ITGAE: variants seen among roughly 807,000 people sequenced by gnomAD.
ITGAE encodes integrin subunit alpha E, also known as integrin alpha-E.
Under a neutral mutation model 136.5 loss-of-function variants are expected in ITGAE, and 99 were observed. The observed-to-expected ratio is 0.73, with a 90% CI of 0.62 to 0.86. The LOEUF is 0.86. Ranked by LOEUF, ITGAE falls within the 40% of genes least tolerant of loss-of-function variation. ITGAE has a pLI of 0.00. For missense variants in ITGAE, 1,447 were observed against 1,515.3 expected, an observed-to-expected ratio of 0.95 and a Z score of 0.75; for synonymous variants, 613 against 591.8, an observed-to-expected ratio of 1.04 and a Z score of -0.52.
intron 19 of ITGAE, among the ~76,000 whole-genome samples, chr17:3,741,970 G>A (rs1005344079): frequency 1.3e-4 from 20 of 152,128 alleles, no homozygotes; most frequent in Admixed American, 3.9e-4. Context: ...CCAGCTACTC[G>A]GGAGGCTGAG....
intron 24 of ITGAE, chr17:3,728,385 T>TTTA (rs2051265377): frequency 2.4e-6 from 1 of 417,134 alleles, no homozygotes. Flanking sequence ...TTTTTTTTTT[T>TTTA]TTTTTTGAGG....
chr17:3,726,645 T>G (rs1394433064), intron 26 of ITGAE: 2 of 275,676 alleles, frequency 7.3e-6, no homozygotes, highest in Non-Finnish European at 1.3e-5. Context: ...CTGGTCAACA[T>G]AGCAAGACCC....
In ITGAE at chr17:3,747,960, C is replaced by T; in HGVS notation, c.2117G>A (p.Cys706Tyr). The change falls in exon 17 of 31, where the codon TGT (cysteine) becomes TAT (tyrosine). Residue 706 changes from cysteine (C) to tyrosine (Y), a missense_variant. This residue lies in a region of ITGAE where 1,031 missense variants were observed against 1,011.4 expected (regional missense o/e 1.02). Transcript: ENST00000263087. ...TGTGGTTACAGAGCTGATTTCAAAACATAAACGGACATTCACGACGCCGTT... is the reference window on the plus strand; with the variant it reads ...TGTGGTTACAGAGCTGATTTCAAAATATAAACGGACATTCACGACGCCGTT... ...GFNGVVNVRL[C>Y]FEISSVTTAS... The T allele has an allele frequency of 6.2e-7, 1 of 1,611,406 alleles. No individual in the cohort carries two copies. The highest frequency in any genetic ancestry group is 8.5e-7 in the Non-Finnish European group (1 of 1,178,318).
intron 2 of ITGAE, among the ~76,000 whole-genome samples, chr17:3,768,927 C>T (rs2052358174): frequency 6.6e-6 from 1 of 152,202 alleles, no homozygotes; most frequent in Non-Finnish European, 1.5e-5. Context: ...GCTGAGGGGG[C>T]TCATCTGGGG....
At chr17:3,784,362 G>T in intron 1 of ITGAE, 1 of 333,230 alleles carries the variant, frequency 3.0e-6, no homozygotes. Context: ...TGACCTGACA[G>T]ACAAAACTCT....
At chr17:3,723,611 A>C in intron 27 of ITGAE, 77 bp downstream of exon 27, 3 of 1,420,260 alleles carry the variant, frequency 2.1e-6, no homozygotes, top group Non-Finnish European at 2.8e-6. Flanking sequence ...TAACCCAGGA[A>C]AAACAGTCTC....
At chr17:3,728,794 G>A (rs991023283) in intron 24 of ITGAE, among the ~76,000 whole-genome samples, 2 of 151,686 alleles carry the variant, frequency 1.3e-5, no homozygotes, top group Non-Finnish European at 2.9e-5. Context: ...CACTTTGGGA[G>A]GCCGAGGCAG....
rs888734889 is a variant in ITGAE at position 3,755,646 on chromosome 17, G to A, written c.1239+184C>T. Among the ~76,000 whole-genome samples, 3 of 152,300 alleles carry A rather than the reference G, an allele frequency of 2.0e-5. No individual in the cohort carries two copies. The South Asian group carries it at 6.2e-4, about 32-fold the overall frequency. Reference sequence around the variant, plus strand: ...TGCACCGCTGCACTCCAGACTGGGCGACAGAGCAAGACTCCGTCTCAAAAT... The same window carrying A: ...TGCACCGCTGCACTCCAGACTGGGCAACAGAGCAAGACTCCGTCTCAAAAT... On this transcript the variant is annotated intron_variant, in intron 11 of 30. Transcript: ENST00000263087.
intron 1 of ITGAE, among the ~76,000 whole-genome samples, chr17:3,791,012 A>G (rs746963199): frequency 2.6e-5 from 4 of 151,622 alleles, no homozygotes; most frequent in Non-Finnish European, 4.4e-5. Flanking sequence ...AAAATTAGCC[A>G]GGCGTGGTGG....
At chr17:3,718,325 A>G (rs2050980906) in intron 29 of ITGAE, 2 of 152,264 alleles carry the variant, frequency 1.3e-5, no homozygotes, top group African/African-American at 4.8e-5. Flanking sequence ...TCCTTTTGCT[A>G]CTGACTTCTT....
chr17:3,768,178 A>G (rs1467674708), intron 2 of ITGAE, among the ~76,000 whole-genome samples: 1 of 151,186 alleles, frequency 6.6e-6, no homozygotes, highest in Non-Finnish European at 1.5e-5. Context: ...AAGTTGAAGT[A>G]CAGTGGCATG....
rs779203102 is a variant in ITGAE at position 3,723,680 on chromosome 17, G to A, written c.3141+8C>T. 3 of 1,586,596 alleles carry A rather than the reference G, an allele frequency of 1.9e-6. No homozygotes were observed. Among genetic ancestry groups the A allele is most frequent in the Admixed American group, 3.6e-5 (2 of 55,558 alleles). On this transcript the variant is annotated splice_region_variant and intron_variant, in intron 27 of 30. Transcript: ENST00000263087. Reference sequence around the variant, plus strand: ...CCTCCCCTGGCCTCTCGGGACGGCCGCGCTTACCTGAACCGAACTGTACGC... The same window carrying A: ...CCTCCCCTGGCCTCTCGGGACGGCCACGCTTACCTGAACCGAACTGTACGC...
chr17:3,728,153 G>T lies in ITGAE; in HGVS notation c.2928C>A (p.Tyr976Ter). Reference protein sequence around the residue: ...VAVLSKPSIMYVNTGQGLSHH... With the variant: ...VAVLSKPSIM ...GAGAAAGCCCCTGGCCTGTGTTCAC[G>T]TACATTATGGATGGTCTGCAATTGA... The change falls in exon 25 of 31, where the codon TAC becomes TAA. Residue 976 changes from tyrosine to a stop codon, truncating the protein, a stop_gained. Transcript: ENST00000263087. LOFTEE classifies it high-confidence loss of function. The T allele has an allele frequency of 6.2e-7, 1 of 1,612,610 alleles. No individual in the cohort carries two copies. The highest frequency in any genetic ancestry group is 8.5e-7 in the Non-Finnish European group (1 of 1,178,664).
intron 8 of ITGAE, among the ~76,000 whole-genome samples, chr17:3,759,136 C>CAAAAAAAAAAAAAAAAAA (rs35626365): frequency 7.4e-6 from 1 of 135,710 alleles, no homozygotes. Flanking sequence ...AAAAAAAAAA[C>CAAAAAAAAAAAAAAAAAA]AAAAAAAAAA....
rs896280132 is a variant in ITGAE, at chr17:3,756,939, A to G, written c.1171+45T>C. 7 of 1,581,444 alleles carry G rather than the reference A, an allele frequency of 4.4e-6. No homozygotes were observed. In the African/African-American group the frequency reaches 6.7e-5, roughly 15 times the overall value. On this transcript the variant is annotated intron_variant, in intron 10 of 30. Coordinates refer to ENST00000263087, the MANE Select transcript of ITGAE (RefSeq NM_002208.5). ...GATGGGACAGAGGCCGGGCTGGAGC[A>G]TAGGCTCGGGCCTCCTGCGGTGGCC...
chr17:3,769,471 G>A (rs918624022), intron 2 of ITGAE, among the ~76,000 whole-genome samples: 1 of 152,152 alleles, frequency 6.6e-6, no homozygotes, highest in African/African-American at 2.4e-5. Flanking sequence ...GGGGCCCTCT[G>A]AGCTGCCTCT....
intron 1 of ITGAE, among the ~76,000 whole-genome samples, chr17:3,796,667 G>A (rs114488836): frequency 0.014 from 2,180 of 151,358 alleles, 63 homozygotes; most frequent in African/African-American, 0.051. Context: ...ACTACCCACA[G>A]GACCACCTCT....
At chr17:3,738,617 C>T (rs1032344110) in intron 20 of ITGAE, among the ~76,000 whole-genome samples, 3 of 152,196 alleles carry the variant, frequency 2.0e-5, no homozygotes, top group Non-Finnish European at 2.9e-5. Flanking sequence ...CAGCCACAGG[C>T]GGCCACTGAG....
chr17:3,793,482 C>G (rs182906113), intron 1 of ITGAE, among the ~76,000 whole-genome samples: 3 of 152,308 alleles, frequency 2.0e-5, no homozygotes, highest in Non-Finnish European at 2.9e-5. Context: ...GCCCTGGGGC[C>G]GGAGCCCAGA....
Sources: allele counts gnomAD v4.1 joint callset (sites outside exome capture counted in the v4.1 genomes callset), GRCh38; gene constraint gnomAD v4.1.1; regional missense constraint gnomAD v4.1.1; transcripts MANE v1.5; gene names NCBI Gene and HGNC (gene_info 2026-07-23, HGNC 2026-07-21).